The following SNTG1 variants were observed in gnomAD, a reference collection of about 807,000 sequenced individuals.
SNTG1 encodes the protein syntrophin gamma 1, also known as gamma-1-syntrophin.
A neutral mutation model predicts 74.7 loss-of-function variants in SNTG1; 39 were observed. The ratio of observed to expected loss-of-function variants is 0.52; its 90% confidence interval spans 0.40 to 0.68. The LOEUF is 0.68. Among genes scored for constraint, SNTG1 ranks in the 30% least tolerant of loss-of-function variants. The pLI, the probability that SNTG1 is intolerant of heterozygous loss-of-function variation, is 0.00. For synonymous variants in SNTG1, 254 were observed against 217.1 expected, an observed-to-expected ratio of 1.17 and a Z score of -1.49; for missense variants, 685 against 609.5, an observed-to-expected ratio of 1.12 and a Z score of -1.30.
At chr8:50,098,605 T>A (rs1361156378) in intron 1 of SNTG1, among the ~76,000 whole-genome samples, 1 of 152,106 alleles carries the variant, frequency 6.6e-6, no homozygotes, top group Non-Finnish European at 1.5e-5. Context: ...CAGTTCCCCA[T>A]GGATATTGAG....
rs5891338 is a variant in SNTG1, at chr8:49,951,873, CAAAAAAAAAAA to C, written c.-103+39663_-103+39673del. ...AACAGAAGGAAATCTGGAAAATTCACAAAAAAAAAAAAAAAAAAAAAAAAAAAAAAAGAAGT... is the reference window on the plus strand; with the variant it reads ...AACAGAAGGAAATCTGGAAAATTCACAAAAAAAAAAAAAAAAAAAAGAAGT... On this transcript the variant is annotated intron_variant, in intron 1 of 18. Transcript: ENST00000642720. Among the ~76,000 whole-genome samples the C allele has an allele frequency of 2.3e-3, 131 of 56,298 alleles. 1 individual carries two copies. Among genetic ancestry groups the C allele is most frequent in the African/African-American group, 6.4e-3 (112 of 17,560 alleles). The allele number at this position is 56,298 out of a possible 152,430, so 36.9% of individuals were successfully genotyped here.
chr8:50,615,508 C>T (rs2094879829), intron 13 of SNTG1, among the ~76,000 whole-genome samples: 1 of 152,038 alleles, frequency 6.6e-6, no homozygotes, highest in Non-Finnish European at 1.5e-5. Flanking sequence ...CAGAGACAGT[C>T]GACAACATGT....
chr8:50,393,050 G>C (rs180795641), intron 2 of SNTG1, among the ~76,000 whole-genome samples: 1 of 137,948 alleles, frequency 7.2e-6, no homozygotes, highest in Non-Finnish European at 1.7e-5. Flanking sequence ...GATATTTACA[G>C]GTTCTTCAAA....
chr8:50,248,831 G>C (rs2086516067), intron 2 of SNTG1, among the ~76,000 whole-genome samples: 1 of 152,116 alleles, frequency 6.6e-6, no homozygotes, highest in South Asian at 2.1e-4. Flanking sequence ...CCATATGCCA[G>C]GTATGTGCTA....
intron 2 of SNTG1, among the ~76,000 whole-genome samples, chr8:50,230,652 T>C (rs1390181133): frequency 4.0e-5 from 6 of 151,156 alleles, no homozygotes; most frequent in African/African-American, 1.5e-4. Flanking sequence ...AATGGGAAAA[T>C]GACAGTCTCT....
intron 2 of SNTG1, among the ~76,000 whole-genome samples, chr8:50,353,571 T>C (rs1411131653): frequency 6.6e-6 from 1 of 152,206 alleles, no homozygotes; most frequent in Non-Finnish European, 1.5e-5. Context: ...ATTCCACTTT[T>C]ATGAGATATG....
chr8:50,433,405 G>A (rs1057112713), intron 4 of SNTG1, among the ~76,000 whole-genome samples: 1 of 151,644 alleles, frequency 6.6e-6, no homozygotes, highest in Non-Finnish European at 1.5e-5. Flanking sequence ...GGGATATCCT[G>A]GCCTTATTCC....
chr8:50,023,890 T>C (rs1380999446), intron 1 of SNTG1, among the ~76,000 whole-genome samples: 1 of 152,180 alleles, frequency 6.6e-6, no homozygotes, highest in Non-Finnish European at 1.5e-5. Flanking sequence ...GCCTGAGGCC[T>C]TCTGACCATC....
At chr8:50,791,487 T>C (rs893777798) in intron 18 of SNTG1, among the ~76,000 whole-genome samples, 1 of 151,810 alleles carries the variant, frequency 6.6e-6, no homozygotes, top group African/African-American at 2.4e-5. Flanking sequence ...GGTATCGTAC[T>C]CCTGTTGCAT....
chr8:50,067,850 C>T (rs1425478300), intron 1 of SNTG1, among the ~76,000 whole-genome samples: 1 of 152,204 alleles, frequency 6.6e-6, no homozygotes, highest in Non-Finnish European at 1.5e-5. Context: ...TACTCGGGCA[C>T]ACAGCCTGCT....
At chr8:50,203,985 C>G (rs1402282955) in intron 2 of SNTG1, among the ~76,000 whole-genome samples, 1 of 151,938 alleles carries the variant, frequency 6.6e-6, no homozygotes, top group Admixed American at 6.6e-5. Flanking sequence ...GCTTTTGTGA[C>G]CTGTCAGTTT....
At chr8:50,123,399 G>A (rs962935956) in intron 1 of SNTG1, among the ~76,000 whole-genome samples, 1 of 142,106 alleles carries the variant, frequency 7.0e-6, no homozygotes, top group Non-Finnish European at 1.6e-5. Context: ...CCTAATGATC[G>A]GTAGATAAAC....
At chr8:50,336,421 C>G (rs575238054) in intron 2 of SNTG1, among the ~76,000 whole-genome samples, 65 of 152,210 alleles carry the variant, frequency 4.3e-4, no homozygotes, top group African/African-American at 1.4e-3. Flanking sequence ...AGGTATTATT[C>G]AATTATCAGT....
At chr8:50,626,203 GA>G (rs2094955213) in intron 13 of SNTG1, among the ~76,000 whole-genome samples, 1 of 152,112 alleles carries the variant, frequency 6.6e-6, no homozygotes, top group Non-Finnish European at 1.5e-5. Context: ...GTTTTACTAT[GA>G]ATTTCTTCTT....
intron 2 of SNTG1, among the ~76,000 whole-genome samples, chr8:50,297,401 T>A (rs748899717): frequency 4.0e-4 from 61 of 152,178 alleles, no homozygotes; most frequent in Non-Finnish European, 7.1e-4. Context: ...CCATAGATCT[T>A]AGCAACCCCA....
chr8:50,695,185 A>T (rs999995979), intron 15 of SNTG1, among the ~76,000 whole-genome samples: 1 of 151,694 alleles, frequency 6.6e-6, no homozygotes, highest in South Asian at 2.1e-4. Context: ...TGTAAAAAAA[A>T]ACCCAAGATC....
chr8:50,718,313 C>T (rs1234924542), intron 17 of SNTG1, among the ~76,000 whole-genome samples: 1 of 152,154 alleles, frequency 6.6e-6, no homozygotes, highest in African/African-American at 2.4e-5. Context: ...AATAGTCAGG[C>T]ACCAAATCTG....
intron 18 of SNTG1, among the ~76,000 whole-genome samples, chr8:50,782,200 G>A (rs1368546163): frequency 1.3e-5 from 2 of 152,138 alleles, no homozygotes; most frequent in South Asian, 2.1e-4. Flanking sequence ...TGCTCTTCTC[G>A]AGAAGTATCT....
At chr8:50,294,481 C>T (rs955847873) in intron 2 of SNTG1, among the ~76,000 whole-genome samples, 1 of 152,162 alleles carries the variant, frequency 6.6e-6, no homozygotes, top group Non-Finnish European at 1.5e-5. Context: ...AGTTGAAGTT[C>T]AAAGACCATC....
Sources: allele counts gnomAD v4.1 joint callset (sites outside exome capture counted in the v4.1 genomes callset), GRCh38; gene constraint gnomAD v4.1.1; transcripts MANE v1.5; gene names NCBI Gene and HGNC (gene_info 2026-07-23, HGNC 2026-07-21).